Variants in GREB1 observed in about 807,000 individuals in gnomAD.
GREB1 encodes the protein protein GREB1.
A neutral mutation model predicts 200.7 loss-of-function variants in GREB1; 106 were observed. The observed-to-expected ratio is 0.53, with a 90% confidence interval of 0.45 to 0.62. The LOEUF (loss-of-function observed/expected upper bound fraction) is 0.62, where lower values mean the gene tolerates loss of function less well. Among genes scored for constraint, GREB1 ranks in the 20% least tolerant of loss-of-function variants. The pLI, the probability that GREB1 is intolerant of heterozygous loss-of-function variation, is 0.00. For missense variants in GREB1, 2,243 were observed against 2,556.8 expected, an observed-to-expected ratio of 0.88 and a Z score of 2.65; for synonymous variants, 1,132 against 1,092.4, an observed-to-expected ratio of 1.04 and a Z score of -0.72.
intron 1 of GREB1, among the ~76,000 whole-genome samples, chr2:11,491,748 A>T (rs539217772): frequency 4.9e-4 from 75 of 152,344 alleles, no homozygotes; most frequent in Non-Finnish European, 8.5e-4. Flanking sequence ...CCCAGGAGTG[A>T]GGCTGGAGGC....
intron 14 of GREB1, 121 bp from the exon 15 acceptor site, chr2:11,598,559 C>T: frequency 2.3e-6 from 2 of 856,746 alleles, no homozygotes; most frequent in Non-Finnish European, 3.8e-6. Flanking sequence ...TTTCCCTGCT[C>T]TTGCATCTCT....
chr2:11,573,340 G>C (rs1198454465), intron 4 of GREB1, among the ~76,000 whole-genome samples: 1 of 152,204 alleles, frequency 6.6e-6, no homozygotes, highest in Non-Finnish European at 1.5e-5. Flanking sequence ...AAGATGGACT[G>C]TTTTCCATGG....
intron 1 of GREB1, among the ~76,000 whole-genome samples, chr2:11,514,355 A>G (rs923498327): frequency 1.3e-5 from 2 of 152,340 alleles, no homozygotes; most frequent in African/African-American, 2.4e-5. Flanking sequence ...TTGCTATTGC[A>G]TTGTTGAACT....
At chr2:11,500,608 A>T (rs959425479) in intron 1 of GREB1, among the ~76,000 whole-genome samples, 16 of 152,218 alleles carry the variant, frequency 1.1e-4, no homozygotes, top group African/African-American at 3.1e-4. Context: ...CCCAATTAGT[A>T]AAGTATTCTT....
intron 7 of GREB1, among the ~76,000 whole-genome samples, chr2:11,583,542 T>C (rs1186295995): frequency 6.6e-6 from 1 of 152,174 alleles, no homozygotes; most frequent in Non-Finnish European, 1.5e-5. Flanking sequence ...AAAGCAATGA[T>C]TCTCACCCTG....
chr2:11,622,206 G>A (rs994317211), intron 23 of GREB1, among the ~76,000 whole-genome samples: 1 of 152,116 alleles, frequency 6.6e-6, no homozygotes, highest in Non-Finnish European at 1.5e-5. Flanking sequence ...TCAGCCTCTG[G>A]AGCAGCTGGA....
At chr2:11,609,921 A>G (rs1682764642) in intron 17 of GREB1, among the ~76,000 whole-genome samples, 1 of 152,232 alleles carries the variant, frequency 6.6e-6, no homozygotes, top group Non-Finnish European at 1.5e-5. Flanking sequence ...TCAACCCAGA[A>G]GAACATTGTG....
intron 19 of GREB1, 34 bp from the exon 20 acceptor site, chr2:11,615,057 C>T (rs568057118): frequency 2.0e-6 from 3 of 1,522,820 alleles, no homozygotes; most frequent in African/African-American, 2.7e-5. Context: ...TTGTGGAAGG[C>T]ACTAAACAGA....
At chr2:11,634,757 G>A (rs1235681368) in intron 29 of GREB1, among the ~76,000 whole-genome samples, 3 of 152,122 alleles carry the variant, frequency 2.0e-5, no homozygotes, top group Non-Finnish European at 2.9e-5. Flanking sequence ...AGTGGACCAC[G>A]GCCTGCGTGA....
intron 1 of GREB1, among the ~76,000 whole-genome samples, chr2:11,506,203 G>C (rs1673179533): frequency 6.6e-6 from 1 of 152,204 alleles, no homozygotes; most frequent in African/African-American, 2.4e-5. Flanking sequence ...TCTAGTCACA[G>C]CAAATCATCT....
chr2:11,491,754 G>C (rs1462435579), intron 1 of GREB1, among the ~76,000 whole-genome samples: 1 of 152,156 alleles, frequency 6.6e-6, no homozygotes. Context: ...AGTGAGGCTG[G>C]AGGCCATAAG....
At position 11,596,744 on chromosome 2, in the gene GREB1, GA is replaced by G. The variant is rs1229474736; in HGVS notation, c.1954+506del. On this transcript the variant is annotated intron_variant, in intron 13 of 32. Transcript: ENST00000381486. The stretch of plus-strand genomic sequence containing the variant: ...GGTAGGGCACTGGTTTGTACAGTGA[GA>G]GGGGGTGGGGGCGCAGGTGTACACA... Among the ~76,000 whole-genome samples, 102 of 126,762 alleles carry G rather than the reference GA, an allele frequency of 8.0e-4. 1 individual carries two copies. Among genetic ancestry groups the G allele is most frequent in the Middle Eastern group, 4.2e-3 (1 of 236 alleles). 83.2% of individuals were successfully genotyped at this position (126,762 alleles called of 152,430 possible). A position where few individuals can be genotyped will look rare whatever the true frequency, so the allele number is the denominator to read the frequency against.
chr2:11,507,468 G>A (rs994980612), intron 1 of GREB1, among the ~76,000 whole-genome samples: 1 of 150,888 alleles, frequency 6.6e-6, no homozygotes, highest in African/African-American at 2.4e-5. Flanking sequence ...AGCATCAAAA[G>A]TGGCCCTGTA....
chr2:11,582,749 G>A (rs1407017739), intron 7 of GREB1, among the ~76,000 whole-genome samples: 1 of 152,264 alleles, frequency 6.6e-6, no homozygotes, highest in East Asian at 1.9e-4. Context: ...GAGCACAGCT[G>A]AAGTGTCGGA....
In GREB1 at chr2:11,618,526, G is replaced by C. The variant is rs377289689; in HGVS notation, c.3651G>C (p.Ser1217=). ...GQRSVQVSVT[S]SCSQLSSSSG... is the part of the protein sequence containing the mutation. ...GGAGCGTCCAGGTGTCGGTCACCTCGTCGTGCTCCCAGCTGTCCTCCTCCT... is the reference window on the plus strand; with the variant it reads ...GGAGCGTCCAGGTGTCGGTCACCTCCTCGTGCTCCCAGCTGTCCTCCTCCT... The change falls in exon 22 of 33, where the codon TCG becomes TCC. Residue 1217 remains serine, a synonymous_variant. Transcript: ENST00000381486. The C allele has an allele frequency of 6.2e-7, 1 of 1,612,182 alleles. No homozygotes were observed. The highest frequency in any genetic ancestry group is 1.3e-5 in the African/African-American group (1 of 74,902).
intron 1 of GREB1, among the ~76,000 whole-genome samples, chr2:11,505,257 G>A (rs906028997): frequency 6.6e-6 from 1 of 152,088 alleles, no homozygotes; most frequent in South Asian, 2.1e-4. Context: ...ACCGAGATGG[G>A]GACTGCGGCG....
Position 11,600,784 on chromosome 2 carries a change from T to A in GREB1, c.2334-16T>A, listed in dbSNP as rs1174439901. ...CAATATAGTAATTCCACTGATTGTG[T>A]CTTCTCCTCCCTCAGTAGCACTGTT... On this transcript the variant is annotated splice_polypyrimidine_tract_variant and intron_variant, in intron 15 of 32. Transcript: ENST00000381486. 1.9e-6 allele frequency: 3 copies of A among 1,600,868 alleles called. No individual in the cohort carries two copies. Among genetic ancestry groups the A allele is most frequent in the Non-Finnish European group, 2.6e-6 (3 of 1,168,532 alleles).
chr2:11,630,492 T>C (rs1453496104), intron 26 of GREB1, among the ~76,000 whole-genome samples: 2 of 152,190 alleles, frequency 1.3e-5, no homozygotes, highest in Non-Finnish European at 2.9e-5. Context: ...TTTTCTTGAA[T>C]GCTCTGCCAG....
chr2:11,567,439 A>G (rs1282713420), intron 4 of GREB1, among the ~76,000 whole-genome samples: 1 of 152,060 alleles, frequency 6.6e-6, no homozygotes, highest in Non-Finnish European at 1.5e-5. Context: ...GGTGGTCTTT[A>G]TTACCCCAGT....
Sources: allele counts gnomAD v4.1 joint callset (sites outside exome capture counted in the v4.1 genomes callset), GRCh38; gene constraint gnomAD v4.1.1; transcripts MANE v1.5; gene names NCBI Gene and HGNC (gene_info 2026-07-23, HGNC 2026-07-21).